DGKI: variants seen among roughly 807,000 people sequenced by gnomAD.
DGKI encodes the protein DAG kinase iota.
A neutral mutation model predicts 147.5 loss-of-function variants in DGKI; 55 were observed. The ratio of observed to expected loss-of-function variants is 0.37; its 90% CI spans 0.30 to 0.47. The LOEUF (loss-of-function observed/expected upper bound fraction) is 0.47, where lower values mean the gene tolerates loss of function less well. Among genes scored for constraint, DGKI ranks in the 20% least tolerant of loss-of-function variants. The pLI is 1.00. For synonymous variants in DGKI, 469 were observed against 477.1 expected (o/e 0.98, Z 0.22); for missense variants, 1,007 against 1,323.8 (o/e 0.76, Z 3.71).
At chr7:137,461,928 C>T (rs1814459202) in intron 27 of DGKI, among the ~76,000 whole-genome samples, 1 of 151,950 alleles carries the variant, frequency 6.6e-6, no homozygotes, top group South Asian at 2.1e-4. Context: ...GTTTTAAGAA[C>T]CTGGCTATTA....
intron 27 of DGKI, 81 bp from the exon 28 acceptor site, chr7:137,444,183 C>A (rs1049721430): frequency 5.7e-6 from 5 of 874,002 alleles, no homozygotes; most frequent in African/African-American, 5.2e-5. Flanking sequence ...AGTAATTTTA[C>A]CCTCAAATTG....
At chr7:137,767,113 G>T (rs1255714551) in intron 1 of DGKI, among the ~76,000 whole-genome samples, 1 of 152,122 alleles carries the variant, frequency 6.6e-6, no homozygotes, top group African/African-American at 2.4e-5. Context: ...GATGAGCCTG[G>T]GCCACCCACG....
chr7:137,845,680 CT>C (rs1257073335), intron 1 of DGKI, among the ~76,000 whole-genome samples: 1 of 152,136 alleles, frequency 6.6e-6, no homozygotes, highest in African/African-American at 2.4e-5. Flanking sequence ...GTGGGGTTAT[CT>C]TTTATCCTAA....
chr7:137,585,256 T>C lies in DGKI; in HGVS notation c.1516A>G (p.Arg506Gly), dbSNP rs1412628855. 3 of 1,614,062 alleles carry C rather than the reference T, an allele frequency of 1.9e-6. No individual in the cohort carries two copies. Among genetic ancestry groups the C allele is most frequent in the Admixed American group, 1.7e-5 (1 of 60,004 alleles). ...QLDRWNLHVE[R>G]NPDLPPEELE... is the part of the protein sequence containing the mutation. ...TCTTCTGGAGGCAAGTCGGGGTTTC[T>C]TTCCACATGGAGGTTCCAGCGATCT... The change falls in exon 14 of 33, where the codon AGA becomes GGA. Residue 506 changes from arginine to glycine, a missense_variant. Arg to Gly is a moderately radical substitution (Grantham distance 125). Around this residue, in one of 5 missense-constraint regions of DGKI, gnomAD observed 224 missense variants for 382.7 expected, o/e 0.59. Coordinates refer to ENST00000614521, the MANE Select transcript of DGKI (RefSeq NM_001321708.2).
Position 137,385,443 on chromosome 7 carries a change from T to C in DGKI, c.*5777A>G, listed in dbSNP as rs1043005790. 1 of 152,086 alleles carries C rather than the reference T, an allele frequency of 6.6e-6. No homozygotes were observed. Among genetic ancestry groups the C allele is most frequent in the Non-Finnish European group, 1.5e-5 (1 of 67,982 alleles). The allele number at this position is 152,086 out of a possible 1,614,324, so 9.4% of individuals were successfully genotyped here. On this transcript the variant is annotated 3_prime_UTR_variant, in exon 33 of 33. Transcript: ENST00000614521. ...CTAATTTTAGCCCCCTCAAATCACATATTCCTAATCACAACACCCCTCAGA... is the reference window on the plus strand; with the variant it reads ...CTAATTTTAGCCCCCTCAAATCACACATTCCTAATCACAACACCCCTCAGA...
At chr7:137,604,334 AACT>A (rs1462813494) in intron 10 of DGKI, among the ~76,000 whole-genome samples, 1 of 152,196 alleles carries the variant, frequency 6.6e-6, no homozygotes, top group East Asian at 1.9e-4. Context: ...GCAAAAAAGT[AACT>A]ACTTCATTAA....
rs909055797 is a variant in DGKI, at chr7:137,757,979, A to T, written c.402-67977T>A. Among the ~76,000 whole-genome samples the T allele has an allele frequency of 3.9e-5, 6 of 152,192 alleles. No individual in the cohort carries two copies. In the South Asian group the frequency reaches 1.2e-3, roughly 32 times the overall value. ...CACCCTGGGGAAATCAGTCTTCTTA[A>T]TGTTTTCTCTTTTCACAGCTATTTA... is the stretch of plus-strand genomic sequence containing the variant. On this transcript the variant is annotated intron_variant, in intron 1 of 32. Transcript: ENST00000614521.
chr7:137,806,680 G>A (rs538944662), intron 1 of DGKI, among the ~76,000 whole-genome samples: 16 of 152,124 alleles, frequency 1.1e-4, no homozygotes, highest in South Asian at 2.1e-4. Context: ...TGATCTGCCC[G>A]CCTCGGCCTC....
intron 1 of DGKI, among the ~76,000 whole-genome samples, chr7:137,754,927 A>G (rs1795634502): frequency 1.3e-5 from 2 of 152,186 alleles, no homozygotes; most frequent in South Asian, 4.1e-4. Context: ...GGGTTGTTTG[A>G]CAGACGCATA....
At chr7:137,414,245 C>T (rs548189002) in intron 28 of DGKI, among the ~76,000 whole-genome samples, 3 of 152,136 alleles carry the variant, frequency 2.0e-5, no homozygotes, top group South Asian at 2.1e-4. Flanking sequence ...TTCCCTTTGA[C>T]CAACGCTGAA....
intron 28 of DGKI, among the ~76,000 whole-genome samples, chr7:137,423,677 AAAG>A (rs1225078130): frequency 6.6e-6 from 1 of 152,228 alleles, no homozygotes; most frequent in Non-Finnish European, 1.5e-5. Context: ...TTTAAACCAA[AAAG>A]AAGAACAGCC....
chr7:137,662,237 C>A (rs997515770), intron 3 of DGKI, among the ~76,000 whole-genome samples: 1 of 147,452 alleles, frequency 6.8e-6, no homozygotes, highest in Non-Finnish European at 1.5e-5. Context: ...TTCCAGCACA[C>A]TCCTTTTTTT....
chr7:137,553,876 A>T (rs1525048), intron 19 of DGKI, among the ~76,000 whole-genome samples: 33,634 of 152,112 alleles, frequency 0.22, 6,488 homozygotes, highest in African/African-American at 0.52. Context: ...TATTTTGTAG[A>T]CTTGAGTAGG....
intron 1 of DGKI, among the ~76,000 whole-genome samples, chr7:137,840,057 T>C (rs1425696929): frequency 2.0e-5 from 3 of 152,178 alleles, no homozygotes; most frequent in Admixed American, 2.0e-4. Context: ...ACACACAAGA[T>C]GATTTAATTT....
At chr7:137,418,901 A>G (rs1164830664) in intron 28 of DGKI, among the ~76,000 whole-genome samples, 3 of 152,214 alleles carry the variant, frequency 2.0e-5, no homozygotes, top group Non-Finnish European at 4.4e-5. Context: ...CAAGAGTCAC[A>G]ACCCTAAACT....
At chr7:137,797,448 T>C (rs1477958428) in intron 1 of DGKI, among the ~76,000 whole-genome samples, 1 of 152,150 alleles carries the variant, frequency 6.6e-6, no homozygotes, top group Non-Finnish European at 1.5e-5. Flanking sequence ...CAGATTTAAA[T>C]GGAAACAGCA....
At chr7:137,673,318 ACT>A (rs924376074) in intron 3 of DGKI, among the ~76,000 whole-genome samples, 3 of 151,976 alleles carry the variant, frequency 2.0e-5, no homozygotes, top group Admixed American at 6.5e-5. Flanking sequence ...TGGTCCTGAC[ACT>A]CTGTTTCTGA....
At chr7:137,689,524 C>T (rs1319847843) in intron 2 of DGKI, among the ~76,000 whole-genome samples, 1 of 152,194 alleles carries the variant, frequency 6.6e-6, no homozygotes, top group African/African-American at 2.4e-5. Context: ...CCCAGAAAAA[C>T]TCAGCTCAAG....
At chr7:137,495,618 A>G (rs1029455877) in intron 21 of DGKI, among the ~76,000 whole-genome samples, 10 of 152,058 alleles carry the variant, frequency 6.6e-5, no homozygotes, top group African/African-American at 2.4e-4. Flanking sequence ...ACCATGGTCA[A>G]GTAGGCTTTA....
Sources: gnomAD v4.1 joint callset for allele counts (sites outside exome capture counted in the v4.1 genomes callset) on GRCh38, gnomAD v4.1.1 for gene constraint, gnomAD v4.1.1 regional missense constraint, MANE v1.5 for transcripts, NCBI Gene and HGNC (gene_info 2026-07-23, HGNC 2026-07-21) for gene names.